The following AUH variants were observed in gnomAD, a reference collection of about 807,000 sequenced individuals.
The protein encoded by AUH is methylglutaconyl-CoA hydratase, mitochondrial.
Under a neutral mutation model 42.3 loss-of-function variants are expected in AUH, and 29 were observed. The observed-to-expected ratio is 0.69, with a 90% CI of 0.51 to 0.93. The LOEUF (loss-of-function observed/expected upper bound fraction) is 0.93. AUH is among the 40% of genes least tolerant of loss of function. The probability of loss-of-function intolerance (pLI) is 0.00; values close to 1 mark genes in which losing one functional copy is unlikely to be tolerated. For missense variants in AUH, 452 were observed against 438.1 expected (o/e 1.03, Z -0.28); for synonymous variants, 174 against 166.4 (o/e 1.05, Z -0.35).
At chr9:91,281,584 CA>C (rs1825967527) in intron 6 of AUH, among the ~76,000 whole-genome samples, 1 of 152,158 alleles carries the variant, frequency 6.6e-6, no homozygotes, top group Non-Finnish European at 1.5e-5. Context: ...CCAACACGTC[CA>C]AAACAATATT....
chr9:91,236,574 G>A (rs1460361237), intron 6 of AUH, among the ~76,000 whole-genome samples: 1 of 152,152 alleles, frequency 6.6e-6, no homozygotes, highest in African/African-American at 2.4e-5. Flanking sequence ...GACTTAGTGA[G>A]GTCTGAACAG....
intron 6 of AUH, among the ~76,000 whole-genome samples, chr9:91,262,638 A>T (rs1352863676): frequency 6.7e-6 from 1 of 149,604 alleles, no homozygotes; most frequent in Non-Finnish European, 1.5e-5. Context: ...ACAAAACTCT[A>T]TGGCACTGAC....
At chr9:91,308,835 G>A (rs1233323413) in intron 4 of AUH, among the ~76,000 whole-genome samples, 1 of 148,602 alleles carries the variant, frequency 6.7e-6, no homozygotes, top group East Asian at 2.0e-4. Context: ...TTGTTACCCA[G>A]GCTGAAGTGC....
intron 6 of AUH, among the ~76,000 whole-genome samples, chr9:91,269,944 C>T (rs188460677): frequency 2.8e-3 from 432 of 152,346 alleles, no homozygotes; most frequent in Non-Finnish European, 4.4e-3. Context: ...AAAGTGTTTA[C>T]CTGGCTGGGT....
chr9:91,317,785 AG>A (rs1433030018), intron 4 of AUH, among the ~76,000 whole-genome samples: 1 of 152,236 alleles, frequency 6.6e-6, no homozygotes, highest in Non-Finnish European at 1.5e-5. Flanking sequence ...CGTCAGGCTA[AG>A]GAAGTTTCCT....
intron 6 of AUH, among the ~76,000 whole-genome samples, chr9:91,283,143 C>A (rs1265541735): frequency 6.6e-6 from 1 of 152,150 alleles, no homozygotes; most frequent in Non-Finnish European, 1.5e-5. Flanking sequence ...CCCTGGGATG[C>A]AAGGCTGGTT....
At chr9:91,332,129 T>C (rs997405181) in intron 3 of AUH, among the ~76,000 whole-genome samples, 2 of 152,226 alleles carry the variant, frequency 1.3e-5, no homozygotes, top group African/African-American at 4.8e-5. Flanking sequence ...ACAAAACTCA[T>C]ATGCCATTTT....
chr9:91,290,709 T>C (rs544784094), intron 6 of AUH, among the ~76,000 whole-genome samples: 2 of 152,282 alleles, frequency 1.3e-5, no homozygotes, highest in South Asian at 2.1e-4. Context: ...GAAGAGGTTG[T>C]TATAGCATAA....
At chr9:91,361,504 C>A in intron 1 of AUH, 124 bp downstream of exon 1, 1 of 1,350,456 alleles carries the variant, frequency 7.4e-7, no homozygotes, top group Non-Finnish European at 9.9e-7. Context: ...AGGGGAGGGA[C>A]CCAGGTTCGG....
intron 6 of AUH, among the ~76,000 whole-genome samples, chr9:91,247,278 G>T (rs1027988309): frequency 6.6e-6 from 1 of 152,166 alleles, no homozygotes; most frequent in African/African-American, 2.4e-5. Flanking sequence ...CTGCAAGAGG[G>T]TAAGGGGGGC....
At position 91,336,972 on chromosome 9, in the gene AUH, T is replaced by C. The variant is rs74670615; in HGVS notation, c.419-11568A>G. Among the ~76,000 whole-genome samples the C allele has an allele frequency of 1.0e-3, 154 of 152,378 alleles. 1 individual carries two copies. The highest frequency in any genetic ancestry group is 3.6e-3 in the African/African-American group (150 of 41,602). ...AGCCAATGACTTGTTTTCATTTCTA[T>C]GCCATCTATTTCCTTCTTATCACCT... On this transcript the variant is annotated intron_variant, in intron 3 of 9. Coordinates refer to ENST00000375731, the MANE Select transcript of AUH (RefSeq NM_001698.3).
chr9:91,297,271 G>A (rs138892776), intron 5 of AUH, among the ~76,000 whole-genome samples: 1 of 152,248 alleles, frequency 6.6e-6, no homozygotes, highest in East Asian at 1.9e-4. Flanking sequence ...TTATGCAGAT[G>A]GAGTGAGTGA....
intron 4 of AUH, among the ~76,000 whole-genome samples, chr9:91,319,645 T>A (rs1433592732): frequency 6.6e-6 from 1 of 152,160 alleles, no homozygotes; most frequent in East Asian, 1.9e-4. Context: ...GACGTCCCTC[T>A]AGGAACACGG....
rs892924419 is a variant in AUH, at chr9:91,225,179, C to T, written c.656-4187G>A. Among the ~76,000 whole-genome samples the T allele has an allele frequency of 2.0e-5, 3 of 152,280 alleles. No homozygotes were observed. In the East Asian group the frequency reaches 5.8e-4, roughly 29 times the overall value. On this transcript the variant is annotated intron_variant, in intron 6 of 9. Transcript: ENST00000375731. ...AGTCAAATAGTGCAGAAAAACATCCCAATCCAAAAGATGAGATGTGCCAAA... is the reference window on the plus strand; with the variant it reads ...AGTCAAATAGTGCAGAAAAACATCCTAATCCAAAAGATGAGATGTGCCAAA...
At chr9:91,233,172 G>A (rs1430246323) in intron 6 of AUH, among the ~76,000 whole-genome samples, 1 of 152,188 alleles carries the variant, frequency 6.6e-6, no homozygotes, top group African/African-American at 2.4e-5. Context: ...AGAAAGCGGG[G>A]GGAGATGGAG....
intron 1 of AUH, among the ~76,000 whole-genome samples, chr9:91,358,868 C>T (rs1832636493): frequency 6.6e-6 from 1 of 152,180 alleles, no homozygotes; most frequent in Admixed American, 6.5e-5. Flanking sequence ...TCAAATGTAT[C>T]TGTAGGCTTT....
At chr9:91,293,420 G>A (rs564488354) in intron 6 of AUH, among the ~76,000 whole-genome samples, 1 of 152,336 alleles carries the variant, frequency 6.6e-6, no homozygotes, top group Non-Finnish European at 1.5e-5. Context: ...TAAGAAGAAA[G>A]CAGAATAGCC....
chr9:91,264,477 T>C lies in AUH; in HGVS notation c.655+31544A>G, dbSNP rs532138456. Among the ~76,000 whole-genome samples, 20 of 152,348 alleles carry C rather than the reference T, an allele frequency of 1.3e-4. 1 individual carries two copies. Among genetic ancestry groups the C allele is most frequent in the African/African-American group, 4.8e-4 (20 of 41,582 alleles). On this transcript the variant is annotated intron_variant, in intron 6 of 9. Coordinates refer to ENST00000375731, the MANE Select transcript of AUH (RefSeq NM_001698.3). ...GTTCCAATTTGGAATGGCTGTTTTC[T>C]GGACTATTGTATAGCCATTATTACC... is the stretch of plus-strand genomic sequence containing the variant.
At chr9:91,297,963 T>A in intron 5 of AUH, 21 bp downstream of exon 5, 2 of 1,552,594 alleles carry the variant, frequency 1.3e-6, no homozygotes, top group South Asian at 2.2e-5. Flanking sequence ...AAATTATGTT[T>A]TTAACAGGAT....
Sources: allele counts gnomAD v4.1 joint callset (sites outside exome capture counted in the v4.1 genomes callset), GRCh38; gene constraint gnomAD v4.1.1; transcripts MANE v1.5; gene names NCBI Gene and HGNC (gene_info 2026-07-23, HGNC 2026-07-21).